Variants in RPS6KC1 observed in about 807,000 individuals in gnomAD.
RPS6KC1 encodes the protein ribosomal protein S6 kinase C1.
RPS6KC1 carries 54 observed loss-of-function variants against 103.8 expected under a neutral mutation model. The ratio of observed to expected loss-of-function variants is 0.52; its 90% CI spans 0.42 to 0.65. The LOEUF (loss-of-function observed/expected upper bound fraction) is 0.65. Ranked by LOEUF, RPS6KC1 falls within the 30% of genes least tolerant of loss-of-function variation. The probability of loss-of-function intolerance (pLI) is 0.00; values close to 1 mark genes in which losing one functional copy is unlikely to be tolerated. For missense variants in RPS6KC1, 1,151 were observed against 1,253.8 expected, an observed-to-expected ratio of 0.92 and a Z score of 1.24; for synonymous variants, 439 against 438.7, an observed-to-expected ratio of 1.00 and a Z score of -0.01.
chr1:213,800,248 G>A, the RPS6KC1 span, among the ~76,000 whole-genome samples: 3 of 152,200 alleles, frequency 2.0e-5, no homozygotes, highest in Non-Finnish European at 4.4e-5. Context: ...GGAATTCCAC[G>A]TCATTGATGG....
chr1:213,385,162 A>G, the RPS6KC1 span, among the ~76,000 whole-genome samples: 1 of 152,226 alleles, frequency 6.6e-6, no homozygotes, highest in Non-Finnish European at 1.5e-5. Flanking sequence ...ACAGATGATG[A>G]TAAGCGACTG....
chr1:213,147,682 CT>C (rs2088043305), intron 6 of RPS6KC1, among the ~76,000 whole-genome samples: 1 of 152,088 alleles, frequency 6.6e-6, no homozygotes, highest in Admixed American at 6.5e-5. Context: ...TATTCTGGAT[CT>C]TTTGTGGTTC....
the RPS6KC1 span, among the ~76,000 whole-genome samples, chr1:213,298,307 T>C: frequency 6.6e-6 from 1 of 152,254 alleles, no homozygotes; most frequent in African/African-American, 2.4e-5. Context: ...GCATTTAAAC[T>C]ATAACTATTT....
At chr1:213,464,928 C>T in the RPS6KC1 span, among the ~76,000 whole-genome samples, 1 of 152,038 alleles carries the variant, frequency 6.6e-6, no homozygotes, top group African/African-American at 2.4e-5. Flanking sequence ...ATATCGGCTG[C>T]TAATGGGTCA....
chr1:213,115,557 G>A (rs1391342667), intron 4 of RPS6KC1, among the ~76,000 whole-genome samples: 6 of 152,018 alleles, frequency 3.9e-5, no homozygotes, highest in Non-Finnish European at 8.8e-5. Flanking sequence ...ATTTCCTTCA[G>A]TTCTGCTCTG....
the RPS6KC1 span, among the ~76,000 whole-genome samples, chr1:213,759,875 A>G: frequency 2.0e-5 from 3 of 151,942 alleles, no homozygotes; most frequent in Non-Finnish European, 4.4e-5. Context: ...CTTCTCCCTC[A>G]CCTAGCACAG....
the RPS6KC1 span, among the ~76,000 whole-genome samples, chr1:213,355,369 G>A: frequency 3.9e-5 from 6 of 152,132 alleles, no homozygotes; most frequent in South Asian, 4.1e-4. Context: ...TGCTACCCCC[G>A]TGCCCCCTTG....
At chr1:213,281,727 T>C in the RPS6KC1 span, among the ~76,000 whole-genome samples, 1 of 152,166 alleles carries the variant, frequency 6.6e-6, no homozygotes, top group Admixed American at 6.5e-5. Flanking sequence ...TGGGCTATCA[T>C]GGTTTGAGGG....
At chr1:213,438,952 C>T in the RPS6KC1 span, among the ~76,000 whole-genome samples, 2 of 152,010 alleles carry the variant, frequency 1.3e-5, no homozygotes, top group Admixed American at 1.3e-4. Flanking sequence ...TGCCACCACA[C>T]CCAGCTAATT....
chr1:213,132,566 G>C (rs2085765318), intron 6 of RPS6KC1, among the ~76,000 whole-genome samples: 1 of 152,140 alleles, frequency 6.6e-6, no homozygotes, highest in African/African-American at 2.4e-5. Context: ...TTCAATTTCT[G>C]GGGAAACTGG....
At chr1:213,245,360 C>G (rs2094437843) in intron 12 of RPS6KC1, among the ~76,000 whole-genome samples, 1 of 152,150 alleles carries the variant, frequency 6.6e-6, no homozygotes, top group Non-Finnish European at 1.5e-5. Context: ...AAGTAATTTC[C>G]TTTCATGTGA....
At position 213,241,735 on chromosome 1, in the gene RPS6KC1, T is replaced by C. The variant is rs989341036; in HGVS notation, c.2259T>C (p.Ser753=). Reference sequence around the variant, plus strand: ...AGGAGAAAGGCATAGAGGAACTGAGTGATCCCTCTGGGCCCAAATCCTATA... The same window carrying C: ...AGGAGAAAGGCATAGAGGAACTGAGCGATCCCTCTGGGCCCAAATCCTATA... ...AHEEKGIEEL[S]DPSGPKSYSI... The change falls in exon 11 of 15, where the codon AGT becomes AGC. Residue 753 remains serine (S), a synonymous_variant. Transcript: ENST00000366960. 3 of 1,613,800 alleles carry C rather than the reference T, an allele frequency of 1.9e-6. No individual in the cohort carries two copies. Among genetic ancestry groups the C allele is most frequent in the East Asian group, 2.2e-5 (1 of 44,872 alleles).
chr1:213,785,802 G>T, the RPS6KC1 span, among the ~76,000 whole-genome samples: 1 of 152,092 alleles, frequency 6.6e-6, no homozygotes, highest in Admixed American at 6.6e-5. Flanking sequence ...TGTAAAATGG[G>T]TGTAACACCT....
At chr1:213,208,019 A>G (rs2093402879) in intron 8 of RPS6KC1, among the ~76,000 whole-genome samples, 1 of 152,122 alleles carries the variant, frequency 6.6e-6, no homozygotes, top group Non-Finnish European at 1.5e-5. Flanking sequence ...AGTTTGTTTT[A>G]TAGACACAAA....
chr1:213,479,773 A>G, the RPS6KC1 span, among the ~76,000 whole-genome samples: 2 of 151,878 alleles, frequency 1.3e-5, no homozygotes, highest in African/African-American at 4.8e-5. Flanking sequence ...GTTTCTTTAC[A>G]TTTAGATATT....
chr1:213,375,238 TACAC>T, the RPS6KC1 span, among the ~76,000 whole-genome samples: 1 of 151,124 alleles, frequency 6.6e-6, no homozygotes, highest in East Asian at 1.9e-4. Context: ...TACATACACA[TACAC>T]ACATATATAC....
chr1:213,683,944 C>G, the RPS6KC1 span, among the ~76,000 whole-genome samples: 1 of 152,180 alleles, frequency 6.6e-6, no homozygotes, highest in Admixed American at 6.5e-5. Context: ...ATAGCCATAA[C>G]AAAGAGCCCT....
intron 3 of RPS6KC1, among the ~76,000 whole-genome samples, chr1:213,094,168 A>G (rs1217085181): frequency 6.6e-6 from 1 of 151,628 alleles, no homozygotes; most frequent in Non-Finnish European, 1.5e-5. Flanking sequence ...ATATTTTGCC[A>G]CATCTTCTGC....
chr1:213,594,929 G>A, the RPS6KC1 span, among the ~76,000 whole-genome samples: 2 of 152,112 alleles, frequency 1.3e-5, no homozygotes, highest in African/African-American at 2.4e-5. Flanking sequence ...GCTAGATTTT[G>A]TTGAAAAAAA....
Sources: gnomAD v4.1 joint callset for allele counts (sites outside exome capture counted in the v4.1 genomes callset) on GRCh38, gnomAD v4.1.1 for gene constraint, MANE v1.5 for transcripts, NCBI Gene and HGNC (gene_info 2026-07-23, HGNC 2026-07-21) for gene names.